Variants in GABBR2 observed in about 807,000 individuals in gnomAD.
The protein encoded by GABBR2 is gamma-aminobutyric acid type B receptor subunit 2.
A neutral mutation model predicts 105.6 loss-of-function variants in GABBR2; 23 were observed. The ratio of observed to expected loss-of-function variants is 0.22; its 90% CI spans 0.16 to 0.31. The LOEUF (loss-of-function observed/expected upper bound fraction) is 0.31. Among genes scored for constraint, GABBR2 ranks in the 10% least tolerant of loss-of-function variants. GABBR2 has a pLI of 1.00. For missense variants in GABBR2, 734 were observed against 1,245.5 expected (o/e 0.59, Z 6.18); for synonymous variants, 478 against 499.7 (o/e 0.96, Z 0.58).
chr9:98,370,391 C>T (rs1451747165), intron 12 of GABBR2, among the ~76,000 whole-genome samples: 2 of 152,160 alleles, frequency 1.3e-5, no homozygotes, highest in African/African-American at 2.4e-5. Flanking sequence ...GGGGCCACTG[C>T]AATCCTTGCC....
intron 1 of GABBR2, among the ~76,000 whole-genome samples, chr9:98,690,327 A>C (rs971474956): frequency 6.6e-6 from 1 of 152,158 alleles, no homozygotes; most frequent in Non-Finnish European, 1.5e-5. Context: ...CGTATTCTGA[A>C]CACATCCTTC....
At position 98,418,574 on chromosome 9, in the gene GABBR2, A is replaced by G. The variant is rs77685167; in HGVS notation, c.1237-12433T>C. Among the ~76,000 whole-genome samples, 1,188 of 152,248 alleles carry G rather than the reference A, an allele frequency of 7.8e-3. 16 individuals carry two copies. The highest frequency in any genetic ancestry group is 0.027 in the African/African-American group (1,120 of 41,546). On this transcript the variant is annotated intron_variant, in intron 7 of 18. Coordinates refer to ENST00000259455, the MANE Select transcript of GABBR2 (RefSeq NM_005458.8). ...ACAACAAAAAAACCCAAAAATCCAA[A>G]AAACAAAAAACAAAACAACAACAAC...
intron 1 of GABBR2, among the ~76,000 whole-genome samples, chr9:98,627,916 T>C (rs1290333255): frequency 1.3e-5 from 2 of 152,194 alleles, no homozygotes; most frequent in African/African-American, 2.4e-5. Flanking sequence ...GAGTCTTAAA[T>C]TGGCGTGTTC....
chr9:98,350,286 G>C (rs1384232195), intron 13 of GABBR2, among the ~76,000 whole-genome samples: 1 of 149,574 alleles, frequency 6.7e-6, no homozygotes, highest in African/African-American at 2.5e-5. Context: ...TATTAATTTT[G>C]AATTTATTTT....
chr9:98,314,772 C>T (rs1433128639), intron 13 of GABBR2, among the ~76,000 whole-genome samples: 1 of 152,214 alleles, frequency 6.6e-6, no homozygotes, highest in Non-Finnish European at 1.5e-5. Flanking sequence ...AGAGAGGGGA[C>T]ACACCACTGT....
chr9:98,567,884 G>A (rs1043890476), intron 2 of GABBR2, among the ~76,000 whole-genome samples: 2 of 152,200 alleles, frequency 1.3e-5, no homozygotes, highest in Non-Finnish European at 2.9e-5. Flanking sequence ...CTCTTTTGGG[G>A]TGGTGGTGTT....
intron 1 of GABBR2, among the ~76,000 whole-genome samples, chr9:98,640,918 A>C (rs1829951593): frequency 6.6e-6 from 1 of 152,100 alleles, no homozygotes; most frequent in Non-Finnish European, 1.5e-5. Flanking sequence ...GAGTTTCTGA[A>C]ATTTCTGGAG....
intron 13 of GABBR2, among the ~76,000 whole-genome samples, chr9:98,324,158 C>A: frequency 6.6e-6 from 1 of 152,298 alleles, no homozygotes; most frequent in African/African-American, 2.4e-5. Context: ...GTTTTTCATG[C>A]TCCTCCCTGG....
At chr9:98,405,315 G>A (rs1008251307) in intron 8 of GABBR2, among the ~76,000 whole-genome samples, 2 of 152,162 alleles carry the variant, frequency 1.3e-5, no homozygotes, top group African/African-American at 4.8e-5. Context: ...AGCTACTTAG[G>A]AGGCTGAGGT....
intron 3 of GABBR2, among the ~76,000 whole-genome samples, chr9:98,505,455 T>TGC (rs953196530): frequency 2.1e-4 from 31 of 145,716 alleles, no homozygotes; most frequent in Admixed American, 3.5e-4. Flanking sequence ...TGTGTGTGTG[T>TGC]GTGCATGTGC....
chr9:98,607,398 C>A, intron 1 of GABBR2: 1 of 656,834 alleles, frequency 1.5e-6, no homozygotes, highest in African/African-American at 1.8e-5. Context: ...TATCATCTCA[C>A]TTATTGCCAC....
At chr9:98,491,125 G>A (rs1827168312) in intron 4 of GABBR2, among the ~76,000 whole-genome samples, 1 of 152,024 alleles carries the variant, frequency 6.6e-6, no homozygotes, top group Admixed American at 6.6e-5. Context: ...TCAGTGAGAT[G>A]TAATTTAAAG....
chr9:98,397,690 A>G (rs1360805784), intron 8 of GABBR2, among the ~76,000 whole-genome samples: 1 of 151,996 alleles, frequency 6.6e-6, no homozygotes, highest in East Asian at 1.9e-4. Flanking sequence ...TCCCTTTAAC[A>G]AGTTAACCTG....
intron 7 of GABBR2, among the ~76,000 whole-genome samples, chr9:98,439,538 T>G (rs1174198136): frequency 6.6e-6 from 1 of 152,172 alleles, no homozygotes; most frequent in African/African-American, 2.4e-5. Context: ...GAAAAACAAG[T>G]TTGAAAACTC....
At chr9:98,424,001 C>A (rs2131559245) in intron 7 of GABBR2, among the ~76,000 whole-genome samples, 2 of 152,222 alleles carry the variant, frequency 1.3e-5, no homozygotes, top group Middle Eastern at 6.8e-3. Context: ...GGTACCAGTA[C>A]CATGCTGTTT....
chr9:98,434,179 T>G (rs535187515), intron 7 of GABBR2, among the ~76,000 whole-genome samples: 5 of 152,308 alleles, frequency 3.3e-5, no homozygotes, highest in South Asian at 4.2e-4. Context: ...GCTGGATACT[T>G]CCTGCCCTTG....
intron 11 of GABBR2, among the ~76,000 whole-genome samples, chr9:98,380,425 T>A (rs921803923): frequency 3.9e-5 from 6 of 152,062 alleles, no homozygotes; most frequent in African/African-American, 1.4e-4. Context: ...GGCAAGTGCT[T>A]TTTCTCATCC....
intron 1 of GABBR2, among the ~76,000 whole-genome samples, chr9:98,671,152 C>T (rs561097592): frequency 2.0e-5 from 3 of 152,240 alleles, no homozygotes; most frequent in African/African-American, 4.8e-5. Context: ...GCCACCCCCC[C>T]GCCCCACTTC....
intron 1 of GABBR2, among the ~76,000 whole-genome samples, chr9:98,609,995 A>G (rs956116361): frequency 6.6e-6 from 1 of 152,200 alleles, no homozygotes; most frequent in African/African-American, 2.4e-5. Context: ...TTGGCAATGA[A>G]GGGGACACAG....
Sources: allele counts gnomAD v4.1 joint callset (sites outside exome capture counted in the v4.1 genomes callset), GRCh38; gene constraint gnomAD v4.1.1; transcripts MANE v1.5; gene names NCBI Gene and HGNC (gene_info 2026-07-23, HGNC 2026-07-21).